Variants in CATSPERE observed in about 807,000 individuals in gnomAD.
CATSPERE encodes the protein cation channel sperm-associated auxiliary subunit epsilon.
Under a neutral mutation model 114.1 loss-of-function variants are expected in CATSPERE, and 93 were observed. That is an observed-to-expected ratio of 0.81 (90% confidence interval 0.69 to 0.97). CATSPERE has a LOEUF of 0.97. Among genes scored for constraint, CATSPERE ranks in the 50% least tolerant of loss-of-function variants. CATSPERE has a pLI of 0.00. For synonymous variants in CATSPERE, 341 were observed against 384.1 expected, an observed-to-expected ratio of 0.89 and a Z score of 1.31; for missense variants, 1,058 against 1,131.6, an observed-to-expected ratio of 0.93 and a Z score of 0.93.
intron 7 of CATSPERE, among the ~76,000 whole-genome samples, chr1:244,511,829 C>T (rs998913054): frequency 2.0e-5 from 3 of 152,108 alleles, no homozygotes; most frequent in Admixed American, 6.5e-5. Flanking sequence ...TATTGTATTC[C>T]ACACTGGCAG....
upstream of CATSPERE, among the ~76,000 whole-genome samples, chr1:244,454,044 G>A (rs373496281): frequency 3.9e-5 from 6 of 152,310 alleles, no homozygotes; most frequent in South Asian, 6.2e-4. Context: ...GATTGGGAAC[G>A]CCTTCTGTCC....
At chr1:244,619,639 C>T (rs924740869) in intron 20 of CATSPERE, among the ~76,000 whole-genome samples, 1 of 152,114 alleles carries the variant, frequency 6.6e-6, no homozygotes, top group African/African-American at 2.4e-5. Flanking sequence ...GAGGGGGCTT[C>T]GGAAAACCAC....
chr1:244,628,389 T>G (rs1673473073), intron 20 of CATSPERE, among the ~76,000 whole-genome samples: 1 of 152,172 alleles, frequency 6.6e-6, no homozygotes, highest in Non-Finnish European at 1.5e-5. Flanking sequence ...ACAGCCCCAT[T>G]GTTTATGAGC....
At chr1:244,598,631 G>C in intron 17 of CATSPERE, 1 of 355,492 alleles carries the variant, frequency 2.8e-6, no homozygotes, top group South Asian at 2.3e-5. Context: ...TTTCCACGGT[G>C]TGGCACTGGA....
chr1:244,552,687 TA>T lies in CATSPERE; in HGVS notation c.905del (p.Asn302MetfsTer6). 6.2e-7 allele frequency: 1 copy of T among 1,614,188 alleles called. No individual in the cohort carries two copies. Among genetic ancestry groups the T allele is most frequent in the South Asian group, 1.1e-5 (1 of 91,082 alleles). On this transcript the variant is annotated frameshift_variant, in exon 9 of 22. Transcript: ENST00000366534. LOFTEE classifies it high-confidence loss of function. Reference protein sequence around the residue: ...ILSRDGIVFLINGVLYIKSFR... With the variant: ...ILSRDGIVFLXNGVLYIKSFR... ...TCGCGGGATGGAATCGTTTTTCTTA[TA>T]AATGGTGTTCTTTACATAAAGAGTT...
intron 11 of CATSPERE, among the ~76,000 whole-genome samples, 186 bp downstream of exon 11, chr1:244,572,958 C>G (rs2148579042): frequency 6.6e-6 from 1 of 152,122 alleles, no homozygotes; most frequent in South Asian, 2.1e-4. Context: ...TTTCCATATC[C>G]AAGCCCTCTT....
chr1:244,542,194 C>T (rs1572660128), intron 8 of CATSPERE, among the ~76,000 whole-genome samples: 1 of 151,838 alleles, frequency 6.6e-6, no homozygotes, highest in Non-Finnish European at 1.5e-5. Flanking sequence ...CCAACCAAGC[C>T]CTGGTGCTTT....
intron 7 of CATSPERE, among the ~76,000 whole-genome samples, chr1:244,509,540 T>A (rs1219731368): frequency 6.6e-6 from 1 of 152,288 alleles, no homozygotes; most frequent in South Asian, 2.1e-4. Flanking sequence ...TAGTTTGTTG[T>A]TGTTGTTGTG....
intron 20 of CATSPERE, among the ~76,000 whole-genome samples, chr1:244,622,401 C>CTTTTTT (rs142928066): frequency 3.3e-5 from 3 of 90,574 alleles, no homozygotes; most frequent in African/African-American, 1.2e-4. Context: ...CTTTCCTTTT[C>CTTTTTT]TTTTTTTTTT....
intron 7 of CATSPERE, chr1:244,515,399 C>T (rs983748532): frequency 2.3e-5 from 19 of 808,604 alleles, no homozygotes; most frequent in Non-Finnish European, 2.8e-5. Flanking sequence ...CTCAAGGCAG[C>T]AGTGTAGTTT....
chr1:244,506,864 C>G (rs949332748), intron 7 of CATSPERE, among the ~76,000 whole-genome samples: 3 of 152,092 alleles, frequency 2.0e-5, no homozygotes, highest in Non-Finnish European at 4.4e-5. Flanking sequence ...CTTATTCTAT[C>G]TAACTGTGTG....
Position 244,635,474 on chromosome 1 carries a change from TTTTCTGCTTTGCAG to T in CATSPERE, c.2649-8_2654del, listed in dbSNP as rs1193086185. 1.3e-6 allele frequency: 2 copies of T among 1,591,730 alleles called. No homozygotes were observed. The highest frequency in any genetic ancestry group is 1.7e-6 in the Non-Finnish European group (2 of 1,160,172). On this transcript the variant is annotated splice_acceptor_variant and splice_polypyrimidine_tract_variant and intron_variant, in intron 20 of 21. Coordinates refer to ENST00000366534, the MANE Select transcript of CATSPERE (RefSeq NM_001130957.2). LOFTEE classifies it high-confidence loss of function. Reference sequence around the variant, plus strand: ...TACTTAGTGTAATCTTTCATATTATTTTTCTGCTTTGCAGTTTCTGTAACCTAACAGCTATGTTT... The same window carrying T: ...TACTTAGTGTAATCTTTCATATTATTTTTCTGTAACCTAACAGCTATGTTT...
At chr1:244,635,874 C>T (rs1197291308) in intron 21 of CATSPERE, among the ~76,000 whole-genome samples, 2 of 152,098 alleles carry the variant, frequency 1.3e-5, no homozygotes, top group Admixed American at 6.6e-5. Flanking sequence ...GTACTTCTGC[C>T]CCCTATATGA....
At chr1:244,566,555 A>G (rs1663532221) in intron 10 of CATSPERE, among the ~76,000 whole-genome samples, 1 of 146,274 alleles carries the variant, frequency 6.8e-6, no homozygotes, top group African/African-American at 2.5e-5. Context: ...TTCTTGTTGC[A>G]TTGATTCCTT....
At chr1:244,635,713 A>G (rs1558633943) in intron 21 of CATSPERE, among the ~76,000 whole-genome samples, 171 bp downstream of exon 21, 1 of 152,188 alleles carries the variant, frequency 6.6e-6, no homozygotes, top group Non-Finnish European at 1.5e-5. Context: ...ACAGTATATA[A>G]TGCAAATGAA....
intron 2 of CATSPERE, among the ~76,000 whole-genome samples, chr1:244,472,711 A>G (rs1265554183): frequency 6.6e-6 from 1 of 152,184 alleles, no homozygotes; most frequent in Non-Finnish European, 1.5e-5. Context: ...GTTTAATGAC[A>G]TGTTTCTACC....
At chr1:244,531,521 A>ATTT (rs60993251) in intron 8 of CATSPERE, among the ~76,000 whole-genome samples, 64 of 149,794 alleles carry the variant, frequency 4.3e-4, no homozygotes, top group African/African-American at 1.5e-3. Flanking sequence ...AGTTTTTAAA[A>ATTT]TTTTTTTTTT....
At chr1:244,610,696 T>A (rs1341787881) in intron 19 of CATSPERE, 1 of 219,120 alleles carries the variant, frequency 4.6e-6, no homozygotes, top group African/African-American at 2.3e-5. Flanking sequence ...CTGGCCACCA[T>A]ATGGAAAAAC....
chr1:244,509,000 T>G (rs1461167790), intron 7 of CATSPERE, among the ~76,000 whole-genome samples: 1 of 150,724 alleles, frequency 6.6e-6, no homozygotes, highest in African/African-American at 2.4e-5. Context: ...AAAAAAAAAA[T>G]TGTGTCATTG....
Sources: allele counts gnomAD v4.1 joint callset (sites outside exome capture counted in the v4.1 genomes callset), GRCh38; gene constraint gnomAD v4.1.1; transcripts MANE v1.5; gene names NCBI Gene and HGNC (gene_info 2026-07-23, HGNC 2026-07-21).